Variants in SLIT2 observed in about 807,000 individuals in gnomAD.
SLIT2 encodes the protein slit homolog 2 protein.
Under a neutral mutation model 185.7 loss-of-function variants are expected in SLIT2, and 41 were observed. The observed-to-expected ratio is 0.22, with a 90% CI of 0.17 to 0.29. The LOEUF (loss-of-function observed/expected upper bound fraction) is 0.29, where lower values mean the gene tolerates loss of function less well. Among genes scored for constraint, SLIT2 ranks in the 10% least tolerant of loss-of-function variants. The probability of loss-of-function intolerance (pLI) is 1.00; values close to 1 mark genes in which losing one functional copy is unlikely to be tolerated. For synonymous variants in SLIT2, 693 were observed against 680.2 expected (o/e 1.02, Z -0.29); for missense variants, 1,571 against 1,909.0 (o/e 0.82, Z 3.30).
At chr4:20,440,712 T>C (rs561752391) in intron 4 of SLIT2, among the ~76,000 whole-genome samples, 29 of 152,378 alleles carry the variant, frequency 1.9e-4, no homozygotes, top group African/African-American at 6.5e-4. Context: ...TTTAAAATTC[T>C]AGAAGTTTCT....
At chr4:20,561,308 TTA>T (rs1724669399) in intron 26 of SLIT2, among the ~76,000 whole-genome samples, 3 of 151,910 alleles carry the variant, frequency 2.0e-5, no homozygotes, top group Admixed American at 6.6e-5. Context: ...TCCTCTAATT[TTA>T]TATGTTAGGA....
intron 4 of SLIT2, among the ~76,000 whole-genome samples, chr4:20,301,445 C>T (rs904852990): frequency 2.0e-5 from 3 of 152,064 alleles, no homozygotes; most frequent in African/African-American, 7.2e-5. Flanking sequence ...GTTCTTCATG[C>T]CATTCTGAAT....
In SLIT2 at chr4:20,484,669, G is replaced by A. The variant is rs1379867233; in HGVS notation, c.540-1531G>A. On this transcript the variant is annotated intron_variant, in intron 6 of 36. Coordinates refer to ENST00000504154, the MANE Select transcript of SLIT2 (RefSeq NM_004787.4). This position sits in a 1 kb window ranked among gnomAD's most constrained non-coding sequence, Gnocchi z 4.3. The stretch of plus-strand genomic sequence containing the variant: ...TGGCCTCAAAAATATATTTTGTGTA[G>A]CTCAAACATAAGCGGTCTACAGACT... Among the ~76,000 whole-genome samples the A allele has an allele frequency of 6.6e-6, 1 of 152,092 alleles. No homozygotes were observed. The highest frequency in any genetic ancestry group is 2.4e-5 in the African/African-American group (1 of 41,428).
At chr4:20,567,934 T>C (rs1016274438) in intron 28 of SLIT2, among the ~76,000 whole-genome samples, 2 of 152,050 alleles carry the variant, frequency 1.3e-5, no homozygotes, top group Admixed American at 6.6e-5. Flanking sequence ...AGCCAACTAG[T>C]CCCCTACTGC....
chr4:20,473,777 G>A (rs896830864), intron 5 of SLIT2, among the ~76,000 whole-genome samples: 3 of 151,944 alleles, frequency 2.0e-5, no homozygotes, highest in African/African-American at 4.8e-5. Context: ...AAGAGAGCAA[G>A]GGTTGCTCAC....
Position 20,357,883 on chromosome 4 carries a change from T to C in SLIT2, c.395+89002T>C, listed in dbSNP as rs540802630. 1.1e-4 allele frequency among the ~76,000 whole-genome samples: 17 copies of C among 152,218 alleles called. No homozygotes were observed. The South Asian group carries it at 3.5e-3, about 32-fold the overall frequency. On this transcript the variant is annotated intron_variant, in intron 4 of 36. Coordinates refer to ENST00000504154, the MANE Select transcript of SLIT2 (RefSeq NM_004787.4). ...TGGTAGATTACATAGACTACATTGG[T>C]TATTAGATTTTAAAGTTTATTAATA...
chr4:20,375,919 A>T (rs984688922), intron 4 of SLIT2, among the ~76,000 whole-genome samples: 21 of 152,128 alleles, frequency 1.4e-4, no homozygotes, highest in African/African-American at 5.1e-4. Flanking sequence ...ACTTGTACAG[A>T]ACCACCACGA....
At chr4:20,463,607 G>A (rs1714019337) in intron 4 of SLIT2, among the ~76,000 whole-genome samples, 1 of 148,470 alleles carries the variant, frequency 6.7e-6, no homozygotes. Flanking sequence ...GGGCACGGTG[G>A]TTCACGCCTG....
intron 30 of SLIT2, among the ~76,000 whole-genome samples, chr4:20,590,550 T>C (rs1259990070): frequency 6.6e-6 from 1 of 152,228 alleles, no homozygotes; most frequent in Non-Finnish European, 1.5e-5. Context: ...TTATTGATAG[T>C]GTCTCTTCCA....
At chr4:20,598,503 C>A in intron 33 of SLIT2, 108 bp downstream of exon 33, 2 of 1,322,104 alleles carry the variant, frequency 1.5e-6, no homozygotes, top group Non-Finnish European at 2.1e-6. Context: ...TTGGCCCCAG[C>A]AGGTTTTAGG....
intron 9 of SLIT2, among the ~76,000 whole-genome samples, chr4:20,504,333 C>T (rs935147721): frequency 6.6e-6 from 1 of 152,078 alleles, no homozygotes; most frequent in African/African-American, 2.4e-5. Flanking sequence ...GCTGCTTTTG[C>T]CATTTACGTT....
chr4:20,417,686 A>AT (rs1160819487), intron 4 of SLIT2, among the ~76,000 whole-genome samples: 1 of 151,376 alleles, frequency 6.6e-6, no homozygotes, highest in Admixed American at 6.6e-5. Flanking sequence ...CGCCCAGCTA[A>AT]TTTTTTTACT....
intron 5 of SLIT2, among the ~76,000 whole-genome samples, chr4:20,479,629 G>GA (rs57525605): frequency 0.2 from 29,461 of 143,896 alleles, 3,287 homozygotes; most frequent in Middle Eastern, 0.26. Context: ...TGCTTGTTCA[G>GA]AAAAAAAAAA....
intron 4 of SLIT2, among the ~76,000 whole-genome samples, chr4:20,427,364 C>A (rs1048084970): frequency 2.0e-5 from 3 of 152,014 alleles, no homozygotes; most frequent in African/African-American, 7.3e-5. Context: ...CTGTTAGAAC[C>A]CATTTTTTTC....
chr4:20,570,461 A>G (rs946917091), intron 29 of SLIT2, among the ~76,000 whole-genome samples: 3 of 151,848 alleles, frequency 2.0e-5, no homozygotes, highest in Non-Finnish European at 4.4e-5. Context: ...GCTGCCTAAG[A>G]ATTTAACTTC....
chr4:20,611,588 A>T (rs1345095902), intron 34 of SLIT2, among the ~76,000 whole-genome samples: 1 of 152,214 alleles, frequency 6.6e-6, no homozygotes, highest in East Asian at 1.9e-4. Flanking sequence ...CACAGCAGAG[A>T]GTCTCATTAA....
chr4:20,385,431 G>A (rs1724860880), intron 4 of SLIT2, among the ~76,000 whole-genome samples: 1 of 152,128 alleles, frequency 6.6e-6, no homozygotes, highest in South Asian at 2.1e-4. Flanking sequence ...TGGATTGAGG[G>A]AGATGTGAAT....
chr4:20,480,757 C>T lies in SLIT2; in HGVS notation c.509C>T (p.Ala170Val), dbSNP rs371016660. The T allele has an allele frequency of 1.2e-6, 2 of 1,613,408 alleles. No individual in the cohort carries two copies. The highest frequency in any genetic ancestry group is 1.7e-6 in the Non-Finnish European group (2 of 1,179,400). ...CAGATCAGCTGTATTGAAGATGGGG[C>T]ATTCAGGGCTCTCCGGGACCTGGAA... ...YNQISCIEDGAFRALRDLEVL... is the reference protein window; with the variant it reads ...YNQISCIEDGVFRALRDLEVL... The change falls in exon 6 of 37, where the codon GCA becomes GTA. Residue 170 changes from alanine (A) to valine (V), a missense_variant. Around this residue, in one of 3 missense-constraint regions of SLIT2, gnomAD observed 1,202 missense variants for 1,416.4 expected, o/e 0.85. Coordinates refer to ENST00000504154, the MANE Select transcript of SLIT2 (RefSeq NM_004787.4).
chr4:20,257,531 T>C (rs1259539579), intron 2 of SLIT2, among the ~76,000 whole-genome samples: 1 of 152,038 alleles, frequency 6.6e-6, no homozygotes, highest in Non-Finnish European at 1.5e-5. Context: ...ATTTTGATTC[T>C]TTGGTTAAGT....
Sources: gnomAD v4.1 joint callset for allele counts (sites outside exome capture counted in the v4.1 genomes callset) on GRCh38, gnomAD v4.1.1 for gene constraint, gnomAD v4.1.1 regional missense constraint, Gnocchi (gnomAD v3.1) non-coding constraint, MANE v1.5 for transcripts, NCBI Gene and HGNC (gene_info 2026-07-23, HGNC 2026-07-21) for gene names.